PKIG: variants seen among roughly 807,000 people sequenced by gnomAD.
PKIG encodes the protein cAMP-dependent protein kinase inhibitor gamma.
PKIG carries 1 observed loss-of-function variant against 6.8 expected under a neutral mutation model. The ratio of observed to expected loss-of-function variants is 0.15; its 90% CI spans 0.05 to 0.69. The LOEUF (loss-of-function observed/expected upper bound fraction) is 0.69. Ranked by LOEUF, PKIG falls within the 30% of genes least tolerant of loss-of-function variation. The probability of loss-of-function intolerance (pLI) is 0.82; values close to 1 mark genes in which losing one functional copy is unlikely to be tolerated. For synonymous variants in PKIG, 39 were observed against 43.0 expected, an observed-to-expected ratio of 0.91 and a Z score of 0.36; for missense variants, 77 against 104.0, an observed-to-expected ratio of 0.74 and a Z score of 1.13.
intron 2 of PKIG, among the ~76,000 whole-genome samples, chr20:44,598,194 C>T (rs1325090220): frequency 1.3e-5 from 2 of 152,162 alleles, no homozygotes; most frequent in South Asian, 2.1e-4. Context: ...CCTCACAGCA[C>T]GGCCACCTCA....
intron 1 of PKIG, among the ~76,000 whole-genome samples, chr20:44,550,484 T>A (rs1050325113): frequency 6.6e-6 from 1 of 152,142 alleles, no homozygotes; most frequent in African/African-American, 2.4e-5. Flanking sequence ...AAATCAGGAC[T>A]GTAAGGTGGA....
chr20:44,544,064 C>CAAA (rs543416378), intron 1 of PKIG, among the ~76,000 whole-genome samples: 1 of 72,718 alleles, frequency 1.4e-5, no homozygotes. Context: ...AACTCCGCCT[C>CAAA]AAAAAAAAAA....
chr20:44,542,066 A>G (rs551604757), intron 1 of PKIG, among the ~76,000 whole-genome samples: 3 of 152,210 alleles, frequency 2.0e-5, no homozygotes, highest in Admixed American at 6.5e-5. Context: ...AATGAAAATG[A>G]TATTTCCGGG....
chr20:44,589,576 G>A (rs1017793500), intron 1 of PKIG, among the ~76,000 whole-genome samples: 5 of 152,106 alleles, frequency 3.3e-5, no homozygotes, highest in Non-Finnish European at 5.9e-5. Flanking sequence ...CTACTATACA[G>A]TATTTCACTG....
At chr20:44,583,773 C>T (rs543081845) in intron 1 of PKIG, among the ~76,000 whole-genome samples, 2 of 152,158 alleles carry the variant, frequency 1.3e-5, no homozygotes, top group Non-Finnish European at 2.9e-5. Flanking sequence ...ATGAAATGAA[C>T]TGTCCATATT....
intron 1 of PKIG, among the ~76,000 whole-genome samples, chr20:44,552,533 A>G (rs2064678406): frequency 6.6e-6 from 1 of 152,050 alleles, no homozygotes; most frequent in Non-Finnish European, 1.5e-5. Flanking sequence ...GGTAATTCAT[A>G]TATATTTCTG....
chr20:44,556,651 C>T (rs1194038589), intron 1 of PKIG, among the ~76,000 whole-genome samples: 1 of 152,164 alleles, frequency 6.6e-6, no homozygotes, highest in African/African-American at 2.4e-5. Flanking sequence ...GCATGAGCCA[C>T]CGCGCCTGGC....
chr20:44,572,198 G>A (rs1200645405), intron 1 of PKIG, among the ~76,000 whole-genome samples: 1 of 152,062 alleles, frequency 6.6e-6, no homozygotes, highest in South Asian at 2.1e-4. Context: ...TAGACACAGG[G>A]TTTCACCATG....
chr20:44,540,635 A>G (rs941948527), intron 1 of PKIG, among the ~76,000 whole-genome samples: 10 of 152,004 alleles, frequency 6.6e-5, no homozygotes, highest in African/African-American at 2.4e-4. Context: ...CTGGAATGCA[A>G]TGGCATGATG....
chr20:44,551,816 T>C (rs1283907115), intron 1 of PKIG, among the ~76,000 whole-genome samples: 1 of 152,244 alleles, frequency 6.6e-6, no homozygotes, highest in Non-Finnish European at 1.5e-5. Context: ...GTAGAACTTA[T>C]CTGTAATTCT....
chr20:44,548,353 T>G (rs1018765996), intron 1 of PKIG, among the ~76,000 whole-genome samples: 4 of 152,228 alleles, frequency 2.6e-5, no homozygotes, highest in Admixed American at 6.5e-5. Flanking sequence ...CAATTCCTTC[T>G]GTGTATTCTC....
intron 1 of PKIG, among the ~76,000 whole-genome samples, chr20:44,534,009 A>G (rs1217691774): frequency 1.3e-5 from 2 of 152,230 alleles, no homozygotes; most frequent in African/African-American, 2.4e-5. Context: ...TCAATATAAT[A>G]TATCAGTGGG....
At chr20:44,550,817 A>G (rs538242883) in intron 1 of PKIG, among the ~76,000 whole-genome samples, 4 of 152,284 alleles carry the variant, frequency 2.6e-5, no homozygotes, top group Non-Finnish European at 4.4e-5. Context: ...CTTAACCTCT[A>G]TTATGACCTC....
intron 1 of PKIG, among the ~76,000 whole-genome samples, chr20:44,588,276 TAAG>T (rs1364380410): frequency 6.6e-6 from 1 of 152,210 alleles, no homozygotes; most frequent in Non-Finnish European, 1.5e-5. Flanking sequence ...ATGGTGGCGT[TAAG>T]AAGTCAATAA....
At chr20:44,568,115 TG>T (rs2064825035) in intron 1 of PKIG, among the ~76,000 whole-genome samples, 1 of 152,196 alleles carries the variant, frequency 6.6e-6, no homozygotes, top group African/African-American at 2.4e-5. Context: ...CACTCGAGCC[TG>T]GGTGACAGAA....
chr20:44,547,514 A>C (rs2064626163), intron 1 of PKIG, among the ~76,000 whole-genome samples: 1 of 152,096 alleles, frequency 6.6e-6, no homozygotes, highest in Non-Finnish European at 1.5e-5. Flanking sequence ...GCCTCATAGG[A>C]GTTGTCTTGA....
At chr20:44,578,145 C>T (rs1476182545), upstream of PKIG, among the ~76,000 whole-genome samples, 3 of 151,514 alleles carry the variant, frequency 2.0e-5, no homozygotes, top group East Asian at 3.9e-4. Context: ...TCGAGACCAT[C>T]CTGGTTAACA....
chr20:44,561,866 A>G (rs2064770110), intron 1 of PKIG, among the ~76,000 whole-genome samples: 1 of 152,274 alleles, frequency 6.6e-6, no homozygotes, highest in Non-Finnish European at 1.5e-5. Context: ...CTGCAGAAAG[A>G]TGAATTTGCA....
chr20:44,556,558 T>A (rs2064715234), intron 1 of PKIG, among the ~76,000 whole-genome samples: 1 of 152,114 alleles, frequency 6.6e-6, no homozygotes, highest in Non-Finnish European at 1.5e-5. Context: ...AGACGGGGTT[T>A]CACCATGTTG....
Sources: gnomAD v4.1 joint callset for allele counts (sites outside exome capture counted in the v4.1 genomes callset) on GRCh38, gnomAD v4.1.1 for gene constraint, MANE v1.5 for transcripts, NCBI Gene and HGNC (gene_info 2026-07-23, HGNC 2026-07-21) for gene names.